LRP1B: variants seen among roughly 807,000 people sequenced by gnomAD.
The protein encoded by LRP1B is LDL receptor related protein 1B.
LRP1B carries 217 observed loss-of-function variants against 556.6 expected under a neutral mutation model. That is an observed-to-expected ratio of 0.39 (90% CI 0.35 to 0.44). The LOEUF (loss-of-function observed/expected upper bound fraction) is 0.44. Among genes scored for constraint, LRP1B ranks in the 20% least tolerant of loss-of-function variants. The pLI, the probability that LRP1B is intolerant of heterozygous loss-of-function variation, is 1.00. For missense variants in LRP1B, 5,053 were observed against 5,620.8 expected (o/e 0.90, Z 3.23); for synonymous variants, 2,047 against 1,865.8 (o/e 1.10, Z -2.50).
At position 140,867,464 on chromosome 2, in the gene LRP1B, C is replaced by T. The variant is rs148984950; in HGVS notation, c.4579+126G>A. 1.5e-4 allele frequency: 152 copies of T among 1,031,602 alleles called. No homozygotes were observed. The African/African-American group carries it at 2.3e-3, about 15-fold the overall frequency. The allele number at this position is 1,031,602 out of a possible 1,614,324, so 63.9% of individuals were successfully genotyped here. ...TAAAATAAAGGTTGAAACCACTTCC[C>T]TCATAGAGTATGCGTAAAATGTCAA... On this transcript the variant is annotated intron_variant, in intron 27 of 90. Coordinates refer to ENST00000389484, the MANE Select transcript of LRP1B (RefSeq NM_018557.3).
At chr2:141,163,817 G>C (rs201181858) in intron 7 of LRP1B, among the ~76,000 whole-genome samples, 1 of 151,916 alleles carries the variant, frequency 6.6e-6, no homozygotes, top group African/African-American at 2.4e-5. Context: ...CCAGTCTCAG[G>C]TATATTTTTA....
chr2:140,916,162 A>T (rs1694573545), intron 21 of LRP1B, among the ~76,000 whole-genome samples: 1 of 152,184 alleles, frequency 6.6e-6, no homozygotes, highest in South Asian at 2.1e-4. Context: ...TATTATTTTC[A>T]TCAGAAATAA....
At chr2:142,081,354 T>C (rs1239377063) in intron 1 of LRP1B, among the ~76,000 whole-genome samples, 9 of 152,146 alleles carry the variant, frequency 5.9e-5, no homozygotes, top group Non-Finnish European at 5.9e-5. Context: ...TAAAACTTTA[T>C]TGACCCACAT....
intron 12 of LRP1B, among the ~76,000 whole-genome samples, chr2:141,019,570 C>T (rs1397744392): frequency 2.0e-5 from 3 of 151,940 alleles, no homozygotes; most frequent in Admixed American, 6.6e-5. Context: ...TTTTTGAATA[C>T]ACTAAATTTC....
intron 3 of LRP1B, among the ~76,000 whole-genome samples, chr2:141,431,740 A>C (rs1025075551): frequency 6.6e-6 from 1 of 152,058 alleles, no homozygotes; most frequent in East Asian, 1.9e-4. Context: ...AAAATATTAT[A>C]CATTTTAAAT....
At chr2:141,726,628 G>A (rs999130152) in intron 2 of LRP1B, among the ~76,000 whole-genome samples, 1 of 151,964 alleles carries the variant, frequency 6.6e-6, no homozygotes, top group African/African-American at 2.4e-5. Context: ...AAGTTAGACA[G>A]AAGAATTTGT....
intron 7 of LRP1B, among the ~76,000 whole-genome samples, chr2:141,155,526 G>A (rs970722547): frequency 6.6e-6 from 1 of 150,794 alleles, no homozygotes; most frequent in Non-Finnish European, 1.5e-5. Flanking sequence ...TGTACAGAAC[G>A]TGCAGGTTTG....
At chr2:140,558,403 A>G (rs1680810612) in intron 43 of LRP1B, among the ~76,000 whole-genome samples, 2 of 152,234 alleles carry the variant, frequency 1.3e-5, no homozygotes, top group South Asian at 2.1e-4. Flanking sequence ...ATCATAGAAT[A>G]TCATTCATGG....
At chr2:141,325,681 C>T (rs111902996) in intron 3 of LRP1B, among the ~76,000 whole-genome samples, 3 of 151,864 alleles carry the variant, frequency 2.0e-5, no homozygotes, top group Admixed American at 6.6e-5. Context: ...AGTTTTCTTA[C>T]GATGGAAAAA....
intron 1 of LRP1B, among the ~76,000 whole-genome samples, chr2:141,938,907 A>T (rs899957705): frequency 7.2e-5 from 11 of 152,108 alleles, no homozygotes; most frequent in African/African-American, 2.7e-4. Flanking sequence ...AGATAGAAAA[A>T]TACTGAATGA....
intron 55 of LRP1B, among the ~76,000 whole-genome samples, chr2:140,500,355 C>T (rs755195067): frequency 6.6e-6 from 1 of 151,836 alleles, no homozygotes; most frequent in Non-Finnish European, 1.5e-5. Flanking sequence ...TTAAAAACAG[C>T]AAATTGGTTG....
At chr2:141,839,089 GTCTTAAA>G (rs934227121) in intron 1 of LRP1B, among the ~76,000 whole-genome samples, 3 of 152,176 alleles carry the variant, frequency 2.0e-5, no homozygotes, top group Admixed American at 1.3e-4. Flanking sequence ...TAACAAAGAT[GTCTTAAA>G]TCTTAAAGAG....
chr2:141,905,763 A>ACGTGT (rs71338143), intron 1 of LRP1B, among the ~76,000 whole-genome samples: 6,425 of 115,108 alleles, frequency 0.056, 251 homozygotes, highest in African/African-American at 0.064. Flanking sequence ...TGGTTTGAAT[A>ACGTGT]GATGTGTGTG....
At chr2:141,563,956 C>T (rs1686246949) in intron 2 of LRP1B, among the ~76,000 whole-genome samples, 1 of 152,010 alleles carries the variant, frequency 6.6e-6, no homozygotes, top group Non-Finnish European at 1.5e-5. Context: ...ACATCCCAAA[C>T]CTCGGCAACA....
intron 1 of LRP1B, among the ~76,000 whole-genome samples, chr2:142,057,404 T>C (rs552441575): frequency 6.6e-6 from 1 of 152,120 alleles, no homozygotes; most frequent in African/African-American, 2.4e-5. Flanking sequence ...CAAACTCTCT[T>C]ATGTGCAAGA....
In LRP1B at chr2:141,373,681, G is replaced by A. The variant is rs889746428; in HGVS notation, c.343+106715C>T. Among the ~76,000 whole-genome samples the A allele has an allele frequency of 2.6e-5, 4 of 151,664 alleles. No individual in the cohort carries two copies. The East Asian group carries it at 7.7e-4, about 29-fold the overall frequency. ...TCCTGCTTGCTTTTGGTTTCCATTT[G>A]TGTGGAAGATCCTTTTCTTTATGTC... On this transcript the variant is annotated intron_variant, in intron 3 of 90. Transcript: ENST00000389484.
At chr2:141,111,798 C>A (rs1700758242) in intron 7 of LRP1B, among the ~76,000 whole-genome samples, 1 of 152,068 alleles carries the variant, frequency 6.6e-6, no homozygotes. Context: ...CGCCTGTAAT[C>A]CCAGCACTTT....
intron 11 of LRP1B, among the ~76,000 whole-genome samples, chr2:141,029,214 C>A (rs1698299180): frequency 2.0e-5 from 3 of 152,056 alleles, no homozygotes; most frequent in Admixed American, 6.6e-5. Context: ...CTTAAATAGC[C>A]TTTTCCCCCT....
chr2:141,793,282 A>G (rs976935736), intron 2 of LRP1B, among the ~76,000 whole-genome samples: 5 of 151,964 alleles, frequency 3.3e-5, no homozygotes, highest in African/African-American at 9.7e-5. Flanking sequence ...TTCAAATGAC[A>G]ATGGGTTTTA....
Sources: allele counts gnomAD v4.1 joint callset (sites outside exome capture counted in the v4.1 genomes callset), GRCh38; gene constraint gnomAD v4.1.1; transcripts MANE v1.5; gene names NCBI Gene and HGNC (gene_info 2026-07-23, HGNC 2026-07-21).